ZMAT4: variants seen among roughly 807,000 people sequenced by gnomAD.
ZMAT4 encodes the protein zinc finger matrin-type 4.
A neutral mutation model predicts 28.7 loss-of-function variants in ZMAT4; 17 were observed. The ratio of observed to expected loss-of-function variants is 0.59; its 90% CI spans 0.41 to 0.89. ZMAT4 has a LOEUF of 0.89. Among genes scored for constraint, ZMAT4 ranks in the 40% least tolerant of loss-of-function variants. The probability of loss-of-function intolerance (pLI) is 0.00; values close to 1 mark genes in which losing one functional copy is unlikely to be tolerated. For synonymous variants in ZMAT4, 117 were observed against 109.2 expected (o/e 1.07, Z -0.44); for missense variants, 240 against 283.8 (o/e 0.85, Z 1.11).
chr8:40,795,097 T>A (rs897073012), intron 2 of ZMAT4, among the ~76,000 whole-genome samples: 4 of 152,176 alleles, frequency 2.6e-5, no homozygotes, highest in African/African-American at 9.7e-5. Flanking sequence ...TATTCTATGA[T>A]CCTGGCATTA....
intron 1 of ZMAT4, among the ~76,000 whole-genome samples, chr8:40,840,002 C>T (rs1475727717): frequency 6.6e-6 from 1 of 152,196 alleles, no homozygotes; most frequent in Non-Finnish European, 1.5e-5. Context: ...AAGTGGTGAT[C>T]CTCCCAAGTC....
chr8:40,582,367 G>A (rs967810095), intron 5 of ZMAT4, among the ~76,000 whole-genome samples: 3 of 152,110 alleles, frequency 2.0e-5, no homozygotes, highest in African/African-American at 7.2e-5. Context: ...AGGCATGGTG[G>A]CACACACCTG....
chr8:40,735,846 CG>C (rs1811740535), intron 3 of ZMAT4, among the ~76,000 whole-genome samples: 1 of 152,120 alleles, frequency 6.6e-6, no homozygotes, highest in African/African-American at 2.4e-5. Flanking sequence ...GATGGGCGCT[CG>C]GGAAGCATCT....
At chr8:40,532,612 G>C (rs1429967) in intron 6 of ZMAT4, among the ~76,000 whole-genome samples, 137,607 of 152,154 alleles carry the variant, frequency 0.9, 63,481 homozygotes, top group East Asian at 1. Flanking sequence ...GTTGAAAGTG[G>C]AGAGCAACAT....
At chr8:40,849,918 C>A (rs1817040860) in intron 1 of ZMAT4, among the ~76,000 whole-genome samples, 1 of 152,188 alleles carries the variant, frequency 6.6e-6, no homozygotes, top group African/African-American at 2.4e-5. Flanking sequence ...GCTTCCCCAC[C>A]TAGTACCTGG....
rs372832868 is a variant in ZMAT4 at position 40,712,415 on chromosome 8, A to G, written c.193-15014T>C. 3.2e-4 allele frequency among the ~76,000 whole-genome samples: 49 copies of G among 152,370 alleles called. No homozygotes were observed. In the South Asian group the frequency reaches 0.01, roughly 32 times the overall value. On this transcript the variant is annotated intron_variant, in intron 3 of 6. Coordinates refer to ENST00000297737, the MANE Select transcript of ZMAT4 (RefSeq NM_024645.3). The stretch of plus-strand genomic sequence containing the variant: ...CTGTGTCCCCCAGACTCAGATTTGT[A>G]CTAACAAAATCGCTGACCTGTTATC...
At chr8:40,874,895 T>C (rs536645281) in intron 1 of ZMAT4, among the ~76,000 whole-genome samples, 1 of 152,164 alleles carries the variant, frequency 6.6e-6, no homozygotes, top group Non-Finnish European at 1.5e-5. Flanking sequence ...CAGAATTCAA[T>C]GGAAGAAAAA....
At chr8:40,643,094 G>C (rs149853971) in intron 5 of ZMAT4, among the ~76,000 whole-genome samples, 2 of 152,084 alleles carry the variant, frequency 1.3e-5, no homozygotes, top group Non-Finnish European at 2.9e-5. Flanking sequence ...AAATTCCTTC[G>C]CAGCTTTAGA....
At chr8:40,770,831 A>AC (rs1182745650) in intron 2 of ZMAT4, among the ~76,000 whole-genome samples, 35 of 150,794 alleles carry the variant, frequency 2.3e-4, no homozygotes, top group African/African-American at 8.1e-4. Context: ...TGGCTTTCTC[A>AC]CCCCTCTCTC....
chr8:40,831,195 CT>C (rs1435070075), intron 1 of ZMAT4, among the ~76,000 whole-genome samples: 1 of 152,202 alleles, frequency 6.6e-6, no homozygotes, highest in African/African-American at 2.4e-5. Flanking sequence ...CTCGTTTCCA[CT>C]GAAATGCAGC....
chr8:40,718,676 C>T (rs891572296), intron 3 of ZMAT4, among the ~76,000 whole-genome samples: 1 of 152,024 alleles, frequency 6.6e-6, no homozygotes. Flanking sequence ...TCATCCAGTT[C>T]GTCTCCATGA....
intron 1 of ZMAT4, among the ~76,000 whole-genome samples, chr8:40,858,151 C>T (rs1563531371): frequency 6.6e-6 from 1 of 152,102 alleles, no homozygotes; most frequent in South Asian, 2.1e-4. Context: ...TAAAATAGAC[C>T]TCAATACTTT....
At chr8:40,700,569 C>T (rs867771914) in intron 3 of ZMAT4, among the ~76,000 whole-genome samples, 2 of 152,030 alleles carry the variant, frequency 1.3e-5, no homozygotes, top group Non-Finnish European at 2.9e-5. Context: ...CAGGCACATG[C>T]CACTACACCT....
chr8:40,882,851 C>T (rs572725494), intron 1 of ZMAT4, among the ~76,000 whole-genome samples: 4 of 152,216 alleles, frequency 2.6e-5, no homozygotes, highest in South Asian at 4.2e-4. Flanking sequence ...TGTGCTCCCA[C>T]GTTCTCTATT....
At chr8:40,619,413 A>G (rs1048623696) in intron 5 of ZMAT4, among the ~76,000 whole-genome samples, 7 of 152,196 alleles carry the variant, frequency 4.6e-5, no homozygotes, top group African/African-American at 1.4e-4. Context: ...TGAGTAGGGC[A>G]CACTTGGTGC....
At chr8:40,679,570 T>C (rs148584209) in intron 4 of ZMAT4, among the ~76,000 whole-genome samples, 27 of 152,254 alleles carry the variant, frequency 1.8e-4, no homozygotes, top group Non-Finnish European at 5.9e-5. Flanking sequence ...AGCCATCAGA[T>C]CTTGTGAGAA....
At chr8:40,668,375 C>T (rs1042071790) in intron 5 of ZMAT4, among the ~76,000 whole-genome samples, 1 of 147,124 alleles carries the variant, frequency 6.8e-6, no homozygotes, top group African/African-American at 2.5e-5. Flanking sequence ...GAGGCTGAGG[C>T]AGGAGAATTG....
At chr8:40,751,201 C>G (rs1375172865) in intron 3 of ZMAT4, among the ~76,000 whole-genome samples, 1 of 152,158 alleles carries the variant, frequency 6.6e-6, no homozygotes, top group Non-Finnish European at 1.5e-5. Context: ...TTAAGCCACT[C>G]TTGCATTGCT....
At chr8:40,700,624 C>A (rs531010958) in intron 3 of ZMAT4, among the ~76,000 whole-genome samples, 1 of 151,994 alleles carries the variant, frequency 6.6e-6, no homozygotes, top group African/African-American at 2.4e-5. Context: ...TGTCTACAAC[C>A]TGTTTTCCGG....
Sources: gnomAD v4.1 joint callset for allele counts (sites outside exome capture counted in the v4.1 genomes callset) on GRCh38, gnomAD v4.1.1 for gene constraint, MANE v1.5 for transcripts, NCBI Gene and HGNC (gene_info 2026-07-23, HGNC 2026-07-21) for gene names.